Variants in SDK1 observed in about 807,000 individuals in gnomAD.
SDK1 encodes the protein sidekick cell adhesion molecule 1.
SDK1 carries 157 observed loss-of-function variants against 245.5 expected under a neutral mutation model. The ratio of observed to expected loss-of-function variants is 0.64; its 90% CI spans 0.56 to 0.73. The LOEUF (loss-of-function observed/expected upper bound fraction) is 0.73, where lower values mean the gene tolerates loss of function less well. SDK1 is among the 30% of genes least tolerant of loss of function. SDK1 has a pLI of 0.00. For missense variants in SDK1, 3,583 were observed against 3,002.3 expected (o/e 1.19, Z -4.52); for synonymous variants, 1,647 against 1,278.5 (o/e 1.29, Z -6.15).
intron 1 of SDK1, among the ~76,000 whole-genome samples, chr7:3,587,125 T>C (rs1218292001): frequency 1.3e-5 from 2 of 152,092 alleles, no homozygotes; most frequent in African/African-American, 4.8e-5. Context: ...CCAGAAACAA[T>C]GGCTAAGTCC....
intron 1 of SDK1, among the ~76,000 whole-genome samples, chr7:3,419,246 A>G (rs1192579925): frequency 4.6e-5 from 7 of 152,222 alleles, no homozygotes; most frequent in Admixed American, 4.6e-4. Context: ...CTTTGCCCGA[A>G]GTGGCAGAAT....
Position 3,529,356 on chromosome 7 carries a change from C to A in SDK1, c.299-89724C>A, listed in dbSNP as rs141967354. Among the ~76,000 whole-genome samples, 420 of 152,198 alleles carry A rather than the reference C, an allele frequency of 2.8e-3. 5 individuals carry two copies. Among genetic ancestry groups the A allele is most frequent in the Non-Finnish European group, 2.3e-3 (159 of 68,016 alleles). ...AGGCTCCTTGAAGGAATAGTTAATT[C>A]CAGGATAAGTACAAAATGACCTTGG... On this transcript the variant is annotated intron_variant, in intron 1 of 44. Transcript: ENST00000404826.
chr7:3,839,419 G>A (rs1562481689), intron 5 of SDK1, among the ~76,000 whole-genome samples: 1 of 152,158 alleles, frequency 6.6e-6, no homozygotes, highest in Non-Finnish European at 1.5e-5. Context: ...TCAGCCAATA[G>A]ATCATTAAAA....
chr7:4,184,036 G>T (rs922061404), intron 35 of SDK1, among the ~76,000 whole-genome samples: 1 of 152,212 alleles, frequency 6.6e-6, no homozygotes, highest in African/African-American at 2.4e-5. Context: ...GAGAAAGCCA[G>T]TTCGCCATTC....
chr7:3,698,970 G>T (rs972212311), intron 4 of SDK1, among the ~76,000 whole-genome samples: 17 of 152,304 alleles, frequency 1.1e-4, no homozygotes, highest in African/African-American at 3.6e-4. Flanking sequence ...CATCAGCAGA[G>T]AGGCCCAGGG....
chr7:3,332,522 G>A (rs1342486689), intron 1 of SDK1, among the ~76,000 whole-genome samples: 1 of 152,100 alleles, frequency 6.6e-6, no homozygotes, highest in Non-Finnish European at 1.5e-5. Context: ...TCATTATAAA[G>A]GCATGATAAT....
At chr7:3,467,929 T>C (rs1781058200) in intron 1 of SDK1, among the ~76,000 whole-genome samples, 4 of 152,192 alleles carry the variant, frequency 2.6e-5, no homozygotes, top group Admixed American at 2.6e-4. Flanking sequence ...TATTAGGTTT[T>C]CTGGCTTTCT....
chr7:3,571,048 A>C (rs1047346012), intron 1 of SDK1, among the ~76,000 whole-genome samples: 3 of 152,020 alleles, frequency 2.0e-5, no homozygotes, highest in Admixed American at 2.0e-4. Flanking sequence ...ACATTTACTT[A>C]ATGAAATTCG....
chr7:4,155,647 T>C (rs1431722491), intron 30 of SDK1, among the ~76,000 whole-genome samples: 1 of 152,218 alleles, frequency 6.6e-6, no homozygotes, highest in Non-Finnish European at 1.5e-5. Flanking sequence ...ACAAATCATT[T>C]CTGCAACACC....
chr7:3,759,685 G>A (rs544386725), intron 4 of SDK1, among the ~76,000 whole-genome samples: 4 of 151,684 alleles, frequency 2.6e-5, no homozygotes, highest in Admixed American at 1.3e-4. Context: ...TCCACCTCCC[G>A]GGTTCAGGCG....
chr7:4,039,179 C>A (rs1212554750), intron 17 of SDK1, among the ~76,000 whole-genome samples: 2 of 151,766 alleles, frequency 1.3e-5, no homozygotes, highest in Non-Finnish European at 2.9e-5. Context: ...GGAGGGATAG[C>A]ATTAGGAGAT....
intron 1 of SDK1, among the ~76,000 whole-genome samples, chr7:3,347,431 C>G (rs1049511865): frequency 6.6e-6 from 1 of 152,034 alleles, no homozygotes; most frequent in Non-Finnish European, 1.5e-5. Context: ...CCAGAAGTAC[C>G]TGATGAAGTT....
intron 1 of SDK1, among the ~76,000 whole-genome samples, chr7:3,364,547 C>T (rs1781038652): frequency 1.3e-5 from 2 of 152,204 alleles, no homozygotes; most frequent in South Asian, 4.2e-4. Context: ...ATTTTTTCTC[C>T]ATTGAATTTT....
intron 4 of SDK1, among the ~76,000 whole-genome samples, chr7:3,680,137 C>T (rs1208495202): frequency 2.0e-5 from 3 of 152,168 alleles, no homozygotes; most frequent in Admixed American, 6.5e-5. Flanking sequence ...AACCAGGCAA[C>T]GACTTGGCTG....
chr7:4,068,180 C>T (rs556469988), intron 20 of SDK1, among the ~76,000 whole-genome samples: 141 of 152,288 alleles, frequency 9.3e-4, no homozygotes, highest in African/African-American at 3.0e-3. Context: ...CTGTTCTCCT[C>T]GCATGATCTT....
intron 4 of SDK1, among the ~76,000 whole-genome samples, chr7:3,770,108 G>A (rs1231411785): frequency 6.6e-6 from 1 of 152,038 alleles, no homozygotes; most frequent in Non-Finnish European, 1.5e-5. Context: ...ATTTATAAAA[G>A]GGCAACAGAA....
chr7:4,198,240 A>G (rs1374887310), intron 35 of SDK1, among the ~76,000 whole-genome samples: 1 of 152,160 alleles, frequency 6.6e-6, no homozygotes, highest in Non-Finnish European at 1.5e-5. Context: ...GCCCAAACCC[A>G]TCACACACCC....
At chr7:3,941,907 C>CTTTTT (rs72338979) in intron 5 of SDK1, among the ~76,000 whole-genome samples, 7 of 128,218 alleles carry the variant, frequency 5.5e-5, no homozygotes, top group East Asian at 2.2e-4. Flanking sequence ...AGACTTCATT[C>CTTTTT]TTTTTTTTTT....
At chr7:3,420,211 T>C (rs980377959) in intron 1 of SDK1, among the ~76,000 whole-genome samples, 4 of 152,234 alleles carry the variant, frequency 2.6e-5, no homozygotes, top group Admixed American at 1.3e-4. Flanking sequence ...ATTAACATTA[T>C]TGTCATATTA....
Sources: gnomAD v4.1 joint callset for allele counts (sites outside exome capture counted in the v4.1 genomes callset) on GRCh38, gnomAD v4.1.1 for gene constraint, MANE v1.5 for transcripts, NCBI Gene and HGNC (gene_info 2026-07-23, HGNC 2026-07-21) for gene names.